MICAL1: variants seen among roughly 807,000 people sequenced by gnomAD.
MICAL1 encodes [F-actin]-monooxygenase MICAL1.
A neutral mutation model predicts 131.8 loss-of-function variants in MICAL1; 95 were observed. That is an observed-to-expected ratio of 0.72 (90% CI 0.61 to 0.86). The LOEUF (loss-of-function observed/expected upper bound fraction) is 0.86, where lower values mean the gene tolerates loss of function less well. Among genes scored for constraint, MICAL1 ranks in the 40% least tolerant of loss-of-function variants. The pLI is 0.00. For synonymous variants in MICAL1, 546 were observed against 554.2 expected, an observed-to-expected ratio of 0.99 and a Z score of 0.21; for missense variants, 1,292 against 1,380.6, an observed-to-expected ratio of 0.94 and a Z score of 1.02.
In MICAL1 at chr6:109,455,649, C is replaced by T. The variant is rs559387697; in HGVS notation, c.-44+70G>A. The T allele has an allele frequency of 7.3e-6, 7 of 956,020 alleles. No individual in the cohort carries two copies. Among genetic ancestry groups the T allele is most frequent in the Non-Finnish European group, 8.7e-6 (7 of 803,058 alleles). 59.2% of individuals were successfully genotyped at this position (956,020 alleles called of 1,614,324 possible). On this transcript the variant is annotated intron_variant, in intron 1 of 24. Transcript: ENST00000358807. The surrounding 1 kb of genome is among the most constrained non-coding windows in gnomAD (Gnocchi z 4.7). Reference sequence around the variant, plus strand: ...TTCCCGAGCGACCGCAGCTGCGTTTCCCCGGAAGCGCACCCCACCTCACCC... The same window carrying T: ...TTCCCGAGCGACCGCAGCTGCGTTTTCCCGGAAGCGCACCCCACCTCACCC...
In MICAL1 at chr6:109,451,715, C is replaced by G; in HGVS notation, c.833-15G>C. ...CAGATCAATGCCTGGGGGTACAGGG[C>G]AGGGGACAGTAGATATGTCTCCTGA... On this transcript the variant is annotated splice_polypyrimidine_tract_variant and intron_variant, in intron 6 of 24. Transcript: ENST00000358807. 6.2e-7 allele frequency: 1 copy of G among 1,613,492 alleles called. No homozygotes were observed. Among genetic ancestry groups the G allele is most frequent in the Non-Finnish European group, 8.5e-7 (1 of 1,179,712 alleles).
At position 109,450,080 on chromosome 6, in the gene MICAL1, GA is replaced by G. The variant is rs758777567; in HGVS notation, c.1196del (p.Phe399SerfsTer22). ...GTGCCACTCCAGTGCCCAGGGGCCAGAAGGGCTGCAGTGTCAGAGGAATAGG... is the reference window on the plus strand; with the variant it reads ...GTGCCACTCCAGTGCCCAGGGGCCAGAGGGCTGCAGTGTCAGAGGAATAGG... ...GLVGDCLVEP[F>X]WPLGTGVARG... On this transcript the variant is annotated frameshift_variant, in exon 9 of 25. Coordinates refer to ENST00000358807, the MANE Select transcript of MICAL1 (RefSeq NM_022765.4). LOFTEE classifies it high-confidence loss of function. The G allele has an allele frequency of 2.5e-5, 41 of 1,613,596 alleles. No homozygotes were observed. In the African/African-American group the frequency reaches 4.7e-4, roughly 18 times the overall value.
At chr6:109,449,615 G>T in intron 10 of MICAL1, 42 bp downstream of exon 10, 3 of 1,590,290 alleles carry the variant, frequency 1.9e-6, no homozygotes, top group Non-Finnish European at 2.6e-6. Context: ...TGGGGGAAGG[G>T]GGTTGGCTTG....
exon 1 of MICAL1, chr6:109,465,773 C>G: frequency 2.5e-6 from 4 of 1,613,668 alleles, no homozygotes; most frequent in South Asian, 2.2e-5. Flanking sequence ...TGTGGAGAGC[C>G]TGATTTCAAG....
intron 15 of MICAL1, 69 bp from the exon 16 acceptor site, chr6:109,447,509 T>C: frequency 6.5e-7 from 1 of 1,545,820 alleles, no homozygotes; most frequent in Non-Finnish European, 8.8e-7. Context: ...TGCGTACAGA[T>C]GAACACAAGG....
Position 109,447,669 on chromosome 6 carries a change from G to GC in MICAL1, c.1986+11dup. ...TGGGGTAGGAGACCGACCCGCCCCT[G>GC]CCTGCATTCACCTCCAAGCGCAGCT... is the stretch of plus-strand genomic sequence containing the variant. On this transcript the variant is annotated intron_variant, in intron 15 of 24. Coordinates refer to ENST00000358807, the MANE Select transcript of MICAL1 (RefSeq NM_022765.4). 1 of 1,613,954 alleles carries GC rather than the reference G, an allele frequency of 6.2e-7. No individual in the cohort carries two copies. Among genetic ancestry groups the GC allele is most frequent in the Non-Finnish European group, 8.5e-7 (1 of 1,179,954 alleles).
upstream of MICAL1, among the ~76,000 whole-genome samples, chr6:109,458,383 G>A (rs1185263138): frequency 6.6e-6 from 1 of 152,110 alleles, no homozygotes; most frequent in African/African-American, 2.4e-5. Context: ...ATCACCTGAG[G>A]TCGGGAGTTC....
chr6:109,447,018 C>T, intron 17 of MICAL1, 55 bp downstream of exon 17: 1 of 1,589,134 alleles, frequency 6.3e-7, no homozygotes, highest in Non-Finnish European at 8.6e-7. Context: ...AGCTCTGTGT[C>T]CCCCAAGCAG....
Position 109,450,297 on chromosome 6 carries a change from C to T in MICAL1, c.1191+3G>A. The T allele has an allele frequency of 1.9e-6, 3 of 1,600,794 alleles. No individual in the cohort carries two copies. The highest frequency in any genetic ancestry group is 2.6e-6 in the Non-Finnish European group (3 of 1,170,192). ...AAACCCCTGTGCCTCCTGAACCCCT[C>T]ACCTCCACCAGGCAGTCCCCCACCA... On this transcript the variant is annotated splice_donor_region_variant and intron_variant, in intron 8 of 24. Coordinates refer to ENST00000358807, the MANE Select transcript of MICAL1 (RefSeq NM_022765.4).
chr6:109,453,189 C>T, intron 4 of MICAL1, 74 bp downstream of exon 4: 1 of 1,216,576 alleles, frequency 8.2e-7, no homozygotes, highest in Non-Finnish European at 1.2e-6. Context: ...ACACTCCTGG[C>T]CCATCCTTTT....
rs954443712 is a variant in MICAL1 at position 109,455,707 on chromosome 6, T to C, written c.-44+12A>G. 4.5e-5 allele frequency: 44 copies of C among 975,998 alleles called. No homozygotes were observed. The highest frequency in any genetic ancestry group is 5.1e-5 in the Non-Finnish European group (42 of 828,802). The allele number at this position is 975,998 out of a possible 1,614,324, so 60.5% of individuals were successfully genotyped here. On this transcript the variant is annotated intron_variant, in intron 1 of 24. Coordinates refer to ENST00000358807, the MANE Select transcript of MICAL1 (RefSeq NM_022765.4). The surrounding 1 kb of genome is among the most constrained non-coding windows in gnomAD (Gnocchi z 4.7). ...CCGCGGGGCTCGCAGCCGGCTCCGC[T>C]GGACGACTTACCGGCGGCTCCGAAG...
At chr6:109,456,147 G>T (rs1485158862), upstream of MICAL1, among the ~76,000 whole-genome samples, 3 of 152,194 alleles carry the variant, frequency 2.0e-5, no homozygotes, top group Non-Finnish European at 2.9e-5. Flanking sequence ...GCTCCTTGCC[G>T]GTGCTTGCGC....
At chr6:109,457,196 C>T (rs1333987118), upstream of MICAL1, among the ~76,000 whole-genome samples, 1 of 152,218 alleles carries the variant, frequency 6.6e-6, no homozygotes, top group East Asian at 1.9e-4. Flanking sequence ...TGCCTGTTCT[C>T]TGCCAGGAGA....
upstream of MICAL1, among the ~76,000 whole-genome samples, chr6:109,457,131 TCA>T (rs1775772658): frequency 6.6e-6 from 1 of 152,094 alleles, no homozygotes; most frequent in South Asian, 2.1e-4. Flanking sequence ...ACCTGAACAC[TCA>T]CTGTTCCCAG....
At chr6:109,450,241 C>G in intron 8 of MICAL1, 59 bp downstream of exon 8, 2 of 1,576,296 alleles carry the variant, frequency 1.3e-6, no homozygotes, top group Non-Finnish European at 1.7e-6. Context: ...ATCCCCTCCT[C>G]CATACTAGGC....
At chr6:109,449,569 C>T (rs1266033015) in intron 10 of MICAL1, 88 bp from the exon 11 acceptor site, 1 of 1,605,874 alleles carries the variant, frequency 6.2e-7, no homozygotes, top group Admixed American at 1.7e-5. Context: ...TAGGATTGAC[C>T]CCAAAGGGCA....
intron 7 of MICAL1, among the ~76,000 whole-genome samples, 163 bp from the exon 8 acceptor site, chr6:109,450,720 A>AGCAGCCTGGAATTC (rs1369794408): frequency 2.0e-5 from 3 of 152,176 alleles, no homozygotes; most frequent in African/African-American, 7.2e-5. Flanking sequence ...CTAGAATTCC[A>AGCAGCCTGGAATTC]GCAGCCTGGA....
At chr6:109,465,576 A>G (rs2115352523) in intron 1 of MICAL1, 1 of 1,417,982 alleles carries the variant, frequency 7.1e-7, no homozygotes, top group Non-Finnish European at 9.5e-7. Flanking sequence ...AATGCCCCCA[A>G]AGAAAAACTA....
intron 20 of MICAL1, 115 bp downstream of exon 20, chr6:109,445,656 G>C: frequency 1.3e-6 from 2 of 1,505,144 alleles, no homozygotes; most frequent in Non-Finnish European, 1.8e-6. Context: ...GTAGAGGCCA[G>C]AGATATGACA....
Sources: allele counts gnomAD v4.1 joint callset (sites outside exome capture counted in the v4.1 genomes callset), GRCh38; gene constraint gnomAD v4.1.1; non-coding constraint Gnocchi (gnomAD v3.1); transcripts MANE v1.5; gene names NCBI Gene and HGNC (gene_info 2026-07-23, HGNC 2026-07-21).